The following DNAAF4 variants were observed in gnomAD, a reference collection of about 807,000 sequenced individuals.
The protein encoded by DNAAF4 is dynein axonemal assembly factor 4.
DNAAF4 carries 43 observed loss-of-function variants against 51.8 expected under a neutral mutation model. The observed-to-expected ratio is 0.83, with a 90% CI of 0.65 to 1.07. The LOEUF is 1.07. Ranked by LOEUF, DNAAF4 falls within the 50% of genes least tolerant of loss-of-function variation. DNAAF4 has a pLI of 0.00. For synonymous variants in DNAAF4, 194 were observed against 165.6 expected (o/e 1.17, Z -1.32); for missense variants, 581 against 493.0 (o/e 1.18, Z -1.69).
At chr15:55,422,062 T>G (rs1486194145) in intron 7 of DNAAF4, among the ~76,000 whole-genome samples, 1 of 151,680 alleles carries the variant, frequency 6.6e-6, no homozygotes, top group South Asian at 2.1e-4. Flanking sequence ...TTTTATATAT[T>G]TACAAATAAA....
chr15:55,449,273 A>C (rs1023852144), intron 6 of DNAAF4, among the ~76,000 whole-genome samples: 1 of 151,218 alleles, frequency 6.6e-6, no homozygotes, highest in Non-Finnish European at 1.5e-5. Flanking sequence ...TACAGGCGTG[A>C]GCCACCACGC....
At chr15:55,496,091 G>A (rs1310781386) in intron 3 of DNAAF4, among the ~76,000 whole-genome samples, 5 of 152,142 alleles carry the variant, frequency 3.3e-5, no homozygotes, top group Non-Finnish European at 4.4e-5. Flanking sequence ...TTAGCTGGAC[G>A]TGGTGGCACG....
chr15:55,471,056 T>C (rs1157667230), intron 4 of DNAAF4, among the ~76,000 whole-genome samples: 1 of 151,472 alleles, frequency 6.6e-6, no homozygotes. Flanking sequence ...AGGGTCTCAC[T>C]ATCTATGTTG....
At chr15:55,496,224 CTG>C (rs1396305247) in intron 3 of DNAAF4, among the ~76,000 whole-genome samples, 1 of 152,168 alleles carries the variant, frequency 6.6e-6, no homozygotes, top group African/African-American at 2.4e-5. Context: ...GAGCGAGACT[CTG>C]TCTTTCCAAA....
chr15:55,417,781 TC>T (rs536866201), exon 8 of DNAAF4: 31 of 205,220 alleles, frequency 1.5e-4, no homozygotes, highest in Non-Finnish European at 2.8e-4. Context: ...AGCTTTTTAA[TC>T]ACCTGGGTGG....
At chr15:55,445,268 G>A (rs186544234) in intron 6 of DNAAF4, among the ~76,000 whole-genome samples, 5,587 of 151,774 alleles carry the variant, frequency 0.037, 104 homozygotes, top group African/African-American at 0.05. Context: ...GCCTTCAAGC[G>A]TCTGTTTAAC....
downstream of DNAAF4, among the ~76,000 whole-genome samples, chr15:55,428,356 T>G (rs1400393311): frequency 6.6e-6 from 1 of 152,112 alleles, no homozygotes; most frequent in African/African-American, 2.4e-5. Context: ...GTCACTGTCT[T>G]TGTTTAAACT....
intron 4 of DNAAF4, among the ~76,000 whole-genome samples, chr15:55,488,378 T>G (rs1261656177): frequency 1.3e-5 from 2 of 152,218 alleles, no homozygotes; most frequent in East Asian, 3.9e-4. Context: ...TTTAAATTAA[T>G]TTATGCTAAC....
chr15:55,470,409 G>A (rs975482603), intron 4 of DNAAF4, among the ~76,000 whole-genome samples: 5 of 152,166 alleles, frequency 3.3e-5, no homozygotes, highest in African/African-American at 9.7e-5. Flanking sequence ...TGAAAGAGAT[G>A]TCTAGGGAAA....
chr15:55,477,148 G>T (rs1330069094), intron 4 of DNAAF4, among the ~76,000 whole-genome samples: 1 of 151,736 alleles, frequency 6.6e-6, no homozygotes, highest in Non-Finnish European at 1.5e-5. Flanking sequence ...CTCCAGCCTG[G>T]GCAACAGAAT....
At chr15:55,474,083 A>G (rs1325437218) in intron 4 of DNAAF4, among the ~76,000 whole-genome samples, 1 of 152,216 alleles carries the variant, frequency 6.6e-6, no homozygotes, top group Non-Finnish European at 1.5e-5. Flanking sequence ...CTATTTTCCT[A>G]GAGGTCAGAA....
intron 7 of DNAAF4, chr15:55,418,275 A>G (rs1163756741): frequency 1.3e-6 from 2 of 1,553,104 alleles, no homozygotes; most frequent in African/African-American, 1.4e-5. Flanking sequence ...AAATCTGAAC[A>G]ACTGCCTCCT....
At chr15:55,484,224 C>T (rs1196682216) in intron 4 of DNAAF4, among the ~76,000 whole-genome samples, 1 of 152,048 alleles carries the variant, frequency 6.6e-6, no homozygotes, top group Non-Finnish European at 1.5e-5. Flanking sequence ...TGGCTCATGC[C>T]TGTAATCCCA....
At chr15:55,426,456 C>G (rs2057431463), downstream of DNAAF4, among the ~76,000 whole-genome samples, 1 of 152,152 alleles carries the variant, frequency 6.6e-6, no homozygotes, top group East Asian at 1.9e-4. Flanking sequence ...AGCCTATGCA[C>G]AGGAAGGAAC....
intron 7 of DNAAF4, among the ~76,000 whole-genome samples, chr15:55,436,067 C>T (rs193210440): frequency 3.3e-5 from 5 of 152,302 alleles, no homozygotes; most frequent in East Asian, 1.9e-4. Flanking sequence ...GGATTACAGG[C>T]GTGAGCCATT....
chr15:55,456,477 G>C (rs1232364741), intron 5 of DNAAF4, among the ~76,000 whole-genome samples: 1 of 152,124 alleles, frequency 6.6e-6, no homozygotes, highest in Non-Finnish European at 1.5e-5. Context: ...GAGATAGGAG[G>C]GAAAATGGCA....
intron 5 of DNAAF4, 79 bp downstream of exon 5, chr15:55,466,851 T>A: frequency 6.5e-7 from 1 of 1,527,070 alleles, no homozygotes; most frequent in Non-Finnish European, 8.8e-7. Flanking sequence ...ATGCTGTGAA[T>A]AGATTTACAA....
chr15:55,463,793 G>A (rs1477183985), intron 5 of DNAAF4, among the ~76,000 whole-genome samples: 2 of 152,100 alleles, frequency 1.3e-5, no homozygotes, highest in East Asian at 3.9e-4. Flanking sequence ...AAACACTGCT[G>A]AAAGAAATCA....
intron 4 of DNAAF4, among the ~76,000 whole-genome samples, chr15:55,487,002 T>G (rs1013371298): frequency 6.6e-6 from 1 of 152,182 alleles, no homozygotes; most frequent in Admixed American, 6.5e-5. Context: ...ACGAGCTTTC[T>G]AAAAGACAAA....
Sources: allele counts gnomAD v4.1 joint callset (sites outside exome capture counted in the v4.1 genomes callset), GRCh38; gene constraint gnomAD v4.1.1; transcripts MANE v1.5; gene names NCBI Gene and HGNC (gene_info 2026-07-23, HGNC 2026-07-21).